ARIH1: variants seen among roughly 807,000 people sequenced by gnomAD.
The protein encoded by ARIH1 is E3 ubiquitin-protein ligase ARIH1.
Under a neutral mutation model 85.0 loss-of-function variants are expected in ARIH1, and 8 were observed. The ratio of observed to expected loss-of-function variants is 0.09; its 90% confidence interval spans 0.06 to 0.17. ARIH1 has a LOEUF of 0.17. Among genes scored for constraint, ARIH1 ranks in the 10% least tolerant of loss-of-function variants. The pLI is 1.00. For missense variants in ARIH1, 311 were observed against 718.1 expected, an observed-to-expected ratio of 0.43 and a Z score of 6.48; for synonymous variants, 238 against 253.6, an observed-to-expected ratio of 0.94 and a Z score of 0.59.
At position 72,585,397 on chromosome 15, in the gene ARIH1, A is replaced by T. The variant is rs1346733020; in HGVS notation, c.*2105A>T. 6.6e-6 allele frequency: 1 copy of T among 152,142 alleles called. No homozygotes were observed. Among genetic ancestry groups the T allele is most frequent in the Non-Finnish European group, 1.5e-5 (1 of 68,026 alleles). 9.4% of individuals were successfully genotyped at this position (152,142 alleles called of 1,614,324 possible). On this transcript the variant is annotated 3_prime_UTR_variant, in exon 14 of 14. Transcript: ENST00000379887. ...CAGCATCAATCTTAAAAAGATATAC[A>T]TTAAAACTAAGGAGTTTTTTTAAAG...
intron 1 of ARIH1, among the ~76,000 whole-genome samples, chr15:72,486,845 C>T (rs987553014): frequency 6.6e-6 from 1 of 151,466 alleles, no homozygotes; most frequent in Non-Finnish European, 1.5e-5. Context: ...AGGCATGCAT[C>T]ACCACACCTG....
In ARIH1 at chr15:72,584,929, A is replaced by T. The variant is rs1338919177; in HGVS notation, c.*1637A>T. 6.6e-6 allele frequency: 1 copy of T among 150,850 alleles called. No homozygotes were observed. The highest frequency in any genetic ancestry group is 1.5e-5 in the Non-Finnish European group (1 of 67,828). 9.3% of individuals were successfully genotyped at this position (150,850 alleles called of 1,614,324 possible). On this transcript the variant is annotated 3_prime_UTR_variant, in exon 14 of 14. Coordinates refer to ENST00000379887, the MANE Select transcript of ARIH1 (RefSeq NM_005744.5). ...ACTAGATTAAGAGGTCTAAATATGA[A>T]ATACCAGTTGAGGCTGAGGACCTCT...
At chr15:72,475,209 G>A in intron 1 of ARIH1, 195 bp downstream of exon 1, 1 of 1,241,080 alleles carries the variant, frequency 8.1e-7, no homozygotes, top group Non-Finnish European at 1.0e-6. Context: ...CGGGTGTGGG[G>A]AGGTGCGCTG....
At position 72,582,598 on chromosome 15, in the gene ARIH1, TA is replaced by T. The variant is rs1450879861; in HGVS notation, c.1589+412del. 5.3e-5 allele frequency among the ~76,000 whole-genome samples: 8 copies of T among 150,076 alleles called. No individual in the cohort carries two copies. Among genetic ancestry groups the T allele is most frequent in the East Asian group, 2.0e-4 (1 of 5,120 alleles). ...AGTTTTTATTACATATATATATATA[TA>T]TTTTTTTAATCTAAGGAGATACTTG... is the stretch of plus-strand genomic sequence containing the variant. On this transcript the variant is annotated intron_variant, in intron 13 of 13. Coordinates refer to ENST00000379887, the MANE Select transcript of ARIH1 (RefSeq NM_005744.5). This position sits in a 1 kb window ranked among gnomAD's most constrained non-coding sequence, Gnocchi z 4.6.
At chr15:72,545,779 ACAT>A (rs2064126284) in intron 3 of ARIH1, among the ~76,000 whole-genome samples, 1 of 152,286 alleles carries the variant, frequency 6.6e-6, no homozygotes. Flanking sequence ...CAGTGAGCTG[ACAT>A]CATGCCACTG....
chr15:72,501,418 C>T (rs987507434), intron 1 of ARIH1, among the ~76,000 whole-genome samples: 1 of 152,098 alleles, frequency 6.6e-6, no homozygotes, highest in Non-Finnish European at 1.5e-5. Flanking sequence ...GAGTAAGAAG[C>T]AGTGAATTGC....
intron 7 of ARIH1, chr15:72,566,338 C>T: frequency 2.0e-6 from 1 of 498,322 alleles, no homozygotes; most frequent in Non-Finnish European, 3.5e-6. Context: ...TGTCTTCATG[C>T]TTATAGTCAT....
chr15:72,494,225 G>C (rs1175067558), intron 1 of ARIH1, among the ~76,000 whole-genome samples: 1 of 152,130 alleles, frequency 6.6e-6, no homozygotes, highest in African/African-American at 2.4e-5. Context: ...ACTGCTGGGG[G>C]AATACAGATA....
intron 11 of ARIH1, among the ~76,000 whole-genome samples, chr15:72,574,128 G>C (rs1382821386): frequency 6.6e-6 from 1 of 152,036 alleles, no homozygotes; most frequent in Non-Finnish European, 1.5e-5. Flanking sequence ...ACCTCACCTG[G>C]TCTTTATTTG....
At chr15:72,524,770 A>G (rs1162661369) in intron 2 of ARIH1, among the ~76,000 whole-genome samples, 1 of 152,234 alleles carries the variant, frequency 6.6e-6, no homozygotes, top group Admixed American at 6.5e-5. Flanking sequence ...TGTTAGCCAG[A>G]TCAGAATAAC....
chr15:72,490,200 CA>C (rs150745122), intron 1 of ARIH1, among the ~76,000 whole-genome samples: 2 of 131,156 alleles, frequency 1.5e-5, no homozygotes. Context: ...CCATCTCTAG[CA>C]AAAAAAATGT....
In ARIH1 at chr15:72,578,403, C is replaced by T. The variant is rs556362935; in HGVS notation, c.1216-2328C>T. ...GCATTGACAGTCCCTTCCAGAGTAC[C>T]GTGTGCATCTTTACGTTTGTTTACA... is the stretch of plus-strand genomic sequence containing the variant. On this transcript the variant is annotated intron_variant, in intron 11 of 13. Coordinates refer to ENST00000379887, the MANE Select transcript of ARIH1 (RefSeq NM_005744.5). 6.2e-4 allele frequency among the ~76,000 whole-genome samples: 95 copies of T among 152,144 alleles called. 1 individual carries two copies. Among genetic ancestry groups the T allele is most frequent in the African/African-American group, 2.1e-3 (88 of 41,494 alleles).
At chr15:72,495,511 A>C (rs2063876434) in intron 1 of ARIH1, among the ~76,000 whole-genome samples, 1 of 152,218 alleles carries the variant, frequency 6.6e-6, no homozygotes, top group African/African-American at 2.4e-5. Flanking sequence ...TTGATGGGTT[A>C]AAATAATAAA....
chr15:72,498,549 C>G (rs190069657), intron 1 of ARIH1, among the ~76,000 whole-genome samples: 2 of 152,300 alleles, frequency 1.3e-5, no homozygotes, highest in East Asian at 3.9e-4. Flanking sequence ...TTGCTGATAA[C>G]TATTAAGAAT....
chr15:72,564,849 C>CT (rs996494227), intron 7 of ARIH1, among the ~76,000 whole-genome samples: 153 of 149,202 alleles, frequency 1.0e-3, no homozygotes, highest in East Asian at 5.7e-3. Flanking sequence ...CTCTGGGCCC[C>CT]TTTTTTTTTT....
rs1198840985 is a variant in ARIH1, at chr15:72,531,408, C to G, written c.443+13274C>G. Among the ~76,000 whole-genome samples, 3 of 151,994 alleles carry G rather than the reference C, an allele frequency of 2.0e-5. No individual in the cohort carries two copies. In the East Asian group the frequency reaches 5.8e-4, roughly 29 times the overall value. On this transcript the variant is annotated intron_variant, in intron 2 of 13. Coordinates refer to ENST00000379887, the MANE Select transcript of ARIH1 (RefSeq NM_005744.5). Reference sequence around the variant, plus strand: ...TCAGCTTTCTGAGTACCTGGAATTACAGGCACGAGCCACTAGGCCTGGTTA... The same window carrying G: ...TCAGCTTTCTGAGTACCTGGAATTAGAGGCACGAGCCACTAGGCCTGGTTA...
rs1190091917 is a variant in ARIH1 at position 72,601,771 on chromosome 15, C to G, written c.*18479C>G. On this transcript the variant is annotated 3_prime_UTR_variant, in exon 14 of 14. Transcript: ENST00000379887. ...GAGTAGGTAATACATCCATATAGTA[C>G]AAAATTCAAAATGTATTAAAGGTAT... The G allele has an allele frequency of 6.6e-6, 1 of 152,138 alleles. No homozygotes were observed. Among genetic ancestry groups the G allele is most frequent in the African/African-American group, 2.4e-5 (1 of 41,414 alleles). The allele number at this position is 152,138 out of a possible 1,614,324, so 9.4% of individuals were successfully genotyped here. A position where few individuals can be genotyped will look rare whatever the true frequency, so the allele number is the denominator to read the frequency against.
intron 1 of ARIH1, among the ~76,000 whole-genome samples, chr15:72,488,111 C>G (rs1399394294): frequency 6.6e-6 from 1 of 152,206 alleles, no homozygotes; most frequent in Non-Finnish European, 1.5e-5. Flanking sequence ...TCACGGCTCA[C>G]TACAGCCTTG....
At chr15:72,480,460 C>T (rs2063811615) in intron 1 of ARIH1, among the ~76,000 whole-genome samples, 1 of 151,968 alleles carries the variant, frequency 6.6e-6, no homozygotes, top group South Asian at 2.1e-4. Flanking sequence ...GAGGTTTCAC[C>T]ATGTTGGCCA....
Sources: allele counts gnomAD v4.1 joint callset (sites outside exome capture counted in the v4.1 genomes callset), GRCh38; gene constraint gnomAD v4.1.1; non-coding constraint Gnocchi (gnomAD v3.1); transcripts MANE v1.5; gene names NCBI Gene and HGNC (gene_info 2026-07-23, HGNC 2026-07-21).